GABRE: variants seen among roughly 807,000 people sequenced by gnomAD.
GABRE encodes gamma-aminobutyric acid type A receptor subunit epsilon.
A neutral mutation model predicts 31.0 loss-of-function variants in GABRE; 20 were observed. The observed-to-expected ratio is 0.64, with a 90% CI of 0.45 to 0.94. The LOEUF (loss-of-function observed/expected upper bound fraction) is 0.94. Among genes scored for constraint, GABRE ranks in the 40% least tolerant of loss-of-function variants. GABRE has a pLI of 0.00. For missense variants in GABRE, 420 were observed against 410.7 expected (o/e 1.02, Z -0.20); for synonymous variants, 155 against 150.6 (o/e 1.03, Z -0.21).
intron 5 of GABRE, among the ~76,000 whole-genome samples, chrX:151,961,010 A>G (rs1054530974): frequency 1.8e-5 from 2 of 111,448 alleles, no homozygotes; most frequent in Non-Finnish European, 3.8e-5. Context: ...GCAAAAGTCC[A>G]GGTGGAAGAT....
intron 3 of GABRE, among the ~76,000 whole-genome samples, chrX:151,964,481 A>G (rs1418985617): frequency 9.0e-6 from 1 of 111,580 alleles, no homozygotes; most frequent in Non-Finnish European, 1.9e-5. Context: ...TCACAGTCTC[A>G]GAGGATACAT....
In GABRE at chrX:151,972,775, G is replaced by A. The variant is rs761601576; in HGVS notation, c.56+1795C>T. The A allele has an allele frequency of 9.0e-6, 4 of 444,032 alleles. No homozygotes were observed. The Admixed American group carries it at 2.7e-4, about 30-fold the overall frequency. 36.6% of individuals were successfully genotyped at this position (444,032 alleles called of 1,213,427 possible). A position where few individuals can be genotyped will look rare whatever the true frequency, so the allele number is the denominator to read the frequency against. On this transcript the variant is annotated intron_variant, in intron 1 of 8. Transcript: ENST00000370328. ...CAAAACCTCATCTTGAGGTCCTTGG[G>A]GTTAAAGAGCTGCTGACAATGCATA...
At chrX:151,960,114 C>A in intron 5 of GABRE, 138 bp from the exon 6 acceptor site, 1 of 543,737 alleles carries the variant, frequency 1.8e-6, no homozygotes, top group Admixed American at 3.4e-5. Flanking sequence ...GCCTCTCTTA[C>A]CTCATTGTTG....
At chrX:151,955,163 G>A in intron 8 of GABRE, 79 bp from the exon 9 acceptor site, 1 of 1,175,241 alleles carries the variant, frequency 8.5e-7, no homozygotes, top group Middle Eastern at 2.3e-4. Flanking sequence ...GGATTTTCTG[G>A]AAACTGTCTT....
chrX:151,962,339 G>A, intron 4 of GABRE, 84 bp downstream of exon 4: 6 of 841,068 alleles, frequency 7.1e-6, no homozygotes, highest in Non-Finnish European at 8.8e-6. Flanking sequence ...TTCAGGATGA[G>A]ATCTCTGCCC....
intron 6 of GABRE, chrX:151,957,372 G>A (rs1031184057): frequency 6.5e-6 from 2 of 306,983 alleles, no homozygotes; most frequent in African/African-American, 5.4e-5. Flanking sequence ...GGAAACCTGT[G>A]TGTTGAGTAT....
chrX:151,972,640 C>G (rs11795424), intron 1 of GABRE: 68,051 of 750,933 alleles, frequency 0.091, 2,220 homozygotes, highest in African/African-American at 0.11. Context: ...CCTCCTGCCC[C>G]TAGACTAGGT....
At position 151,953,824 on chromosome X, in the gene GABRE, G is replaced by A. The variant is rs1206589659; in HGVS notation, c.*877C>T. On this transcript the variant is annotated 3_prime_UTR_variant, in exon 9 of 9. Coordinates refer to ENST00000370328, the MANE Select transcript of GABRE (RefSeq NM_004961.4). ...TTCCTTAGTTTCTTGGCCCCAGGAA[G>A]TCACCAAGGCCTAGTGCCTGGGTCA... 8.9e-6 allele frequency: 1 copy of A among 111,945 alleles called. No homozygotes were observed. Among genetic ancestry groups the A allele is most frequent in the Non-Finnish European group, 1.9e-5 (1 of 53,206 alleles). 9.2% of individuals were successfully genotyped at this position (111,945 alleles called of 1,213,427 possible). A position where few individuals can be genotyped will look rare whatever the true frequency, so the allele number is the denominator to read the frequency against.
rs1934068751 is a variant in GABRE at position 151,954,501 on chromosome X, C to A, written c.*200G>T. 3 of 409,007 alleles carry A rather than the reference C, an allele frequency of 7.3e-6. No homozygotes were observed. In the African/African-American group the frequency reaches 7.6e-5, roughly 10 times the overall value. 33.7% of individuals were successfully genotyped at this position (409,007 alleles called of 1,213,427 possible). On this transcript the variant is annotated 3_prime_UTR_variant, in exon 9 of 9. Coordinates refer to ENST00000370328, the MANE Select transcript of GABRE (RefSeq NM_004961.4). ...TTTATTAATAATTTGAAATGGTCTG[C>A]TGAGAAGACTCAGTGAATGGGCCAG...
In GABRE at chrX:151,970,221, T is replaced by A. The variant is rs1185109444; in HGVS notation, c.238A>T (p.Ser80Cys). The part of the protein sequence containing the change: ...EASRILNTIL[S>C]NYDHKLRPGI... ...GGGCGCAGTTTGTGGTCATAATTAC[T>A]CAGGATAGTGTTCAGGATGCGAGAG... The change falls in exon 2 of 9, where the codon AGT becomes TGT. Residue 80 changes from serine (S) to cysteine (C), a missense_variant. Transcript: ENST00000370328. 1 of 1,210,376 alleles carries A rather than the reference T, an allele frequency of 8.3e-7. No individual in the cohort carries two copies. The highest frequency in any genetic ancestry group is 1.1e-6 in the Non-Finnish European group (1 of 895,348).
chrX:151,962,361 G>A, intron 4 of GABRE, 62 bp downstream of exon 4: 6 of 1,013,028 alleles, frequency 5.9e-6, no homozygotes, highest in Middle Eastern at 3.6e-4. Context: ...TGGATCTTTA[G>A]CTAAAATTAT....
chrX:151,962,297 T>C, intron 4 of GABRE, 126 bp downstream of exon 4: 1 of 581,393 alleles, frequency 1.7e-6, no homozygotes, highest in East Asian at 3.5e-5. Context: ...GCTCATGGTC[T>C]AGGAAAGCTG....
intron 5 of GABRE, among the ~76,000 whole-genome samples, chrX:151,960,432 A>G (rs977763747): frequency 8.9e-5 from 10 of 112,052 alleles, no homozygotes; most frequent in Non-Finnish European, 1.7e-4. Flanking sequence ...TGAAGGGGTT[A>G]AGGGGCAGTA....
rs183840016 is a variant in GABRE at position 151,973,913 on chromosome X, G to A, written c.56+657C>T. 4.1e-3 allele frequency among the ~76,000 whole-genome samples: 455 copies of A among 111,246 alleles called. 1 individual carries two copies. Among genetic ancestry groups the A allele is most frequent in the African/African-American group, 0.014 (434 of 30,593 alleles). Reference sequence around the variant, plus strand: ...GGGTGTCTAGGGATGAGTTAAGGAAGTGGGAGGCTGTCAGCGGTGGAGAGG... The same window carrying A: ...GGGTGTCTAGGGATGAGTTAAGGAAATGGGAGGCTGTCAGCGGTGGAGAGG... On this transcript the variant is annotated intron_variant, in intron 1 of 8. Coordinates refer to ENST00000370328, the MANE Select transcript of GABRE (RefSeq NM_004961.4).
At position 151,963,068 on chromosome X, in the gene GABRE, C is replaced by T. The variant is rs1367900227; in HGVS notation, c.343-425G>A. Among the ~76,000 whole-genome samples the T allele has an allele frequency of 6.2e-5, 7 of 112,376 alleles. No homozygotes were observed. In the South Asian group the frequency reaches 1.9e-3, roughly 30 times the overall value. On this transcript the variant is annotated intron_variant, in intron 3 of 8. Coordinates refer to ENST00000370328, the MANE Select transcript of GABRE (RefSeq NM_004961.4). ...GTAGCACATAGAGCAAGTCTAGTTTCGGTTCCAGAGGAGAGATCTCCAGAA... is the reference window on the plus strand; with the variant it reads ...GTAGCACATAGAGCAAGTCTAGTTTTGGTTCCAGAGGAGAGATCTCCAGAA...
chrX:151,972,127 C>T (rs1424396741), intron 1 of GABRE: 40 of 749,954 alleles, frequency 5.3e-5, no homozygotes, highest in African/African-American at 2.8e-4. Flanking sequence ...CCCTGTATTG[C>T]GGACCAAGGG....
In GABRE at chrX:151,954,687, G is replaced by A. The variant is rs751867428; in HGVS notation, c.*14C>T. On this transcript the variant is annotated 3_prime_UTR_variant, in exon 9 of 9. Coordinates refer to ENST00000370328, the MANE Select transcript of GABRE (RefSeq NM_004961.4). ...GGAACTGGAGAGGTTGCCCCACAGG[G>A]TACCAGCTGGTACCTACAAGTTAAG... is the stretch of plus-strand genomic sequence containing the variant. 8.6e-7 allele frequency: 1 copy of A among 1,166,093 alleles called. No individual in the cohort carries two copies. Among genetic ancestry groups the A allele is most frequent in the South Asian group, 2.0e-5 (1 of 49,424 alleles).
chrX:151,966,608 G>A (rs1934532361), intron 3 of GABRE, among the ~76,000 whole-genome samples: 1 of 111,983 alleles, frequency 8.9e-6, no homozygotes, highest in Admixed American at 9.5e-5. Context: ...AATGTACTGG[G>A]TACTGGTATG....
rs141042152 is a variant in GABRE, at chrX:151,958,886, G to A, written c.784+953C>T. On this transcript the variant is annotated intron_variant, in intron 6 of 8. Transcript: ENST00000370328. Reference sequence around the variant, plus strand: ...CTAATACTGTGCAAGCAAAGCTCTAGCCACATGAGCATGAGCTTTCCCTCA... The same window carrying A: ...CTAATACTGTGCAAGCAAAGCTCTAACCACATGAGCATGAGCTTTCCCTCA... 7.3e-5 allele frequency: 21 copies of A among 288,758 alleles called. No homozygotes were observed. The East Asian group carries it at 2.1e-3, about 30-fold the overall frequency. 23.8% of individuals were successfully genotyped at this position (288,758 alleles called of 1,213,427 possible). A position where few individuals can be genotyped will look rare whatever the true frequency, so the allele number is the denominator to read the frequency against.
Sources: gnomAD v4.1 joint callset for allele counts (sites outside exome capture counted in the v4.1 genomes callset) on GRCh38, gnomAD v4.1.1 for gene constraint, MANE v1.5 for transcripts, NCBI Gene and HGNC (gene_info 2026-07-23, HGNC 2026-07-21) for gene names.